PAX5: variants seen among roughly 807,000 people sequenced by gnomAD.
PAX5 encodes the protein paired box 5.
A neutral mutation model predicts 43.7 loss-of-function variants in PAX5; 9 were observed. The observed-to-expected ratio is 0.21, with a 90% confidence interval of 0.12 to 0.36. The LOEUF is 0.36. PAX5 is among the 10% of genes least tolerant of loss of function. The pLI, the probability that PAX5 is intolerant of heterozygous loss-of-function variation, is 1.00. For missense variants in PAX5, 383 were observed against 532.7 expected, an observed-to-expected ratio of 0.72 and a Z score of 2.77; for synonymous variants, 228 against 214.3, an observed-to-expected ratio of 1.06 and a Z score of -0.56.
intron 7 of PAX5, among the ~76,000 whole-genome samples, chr9:36,914,915 A>T (rs1236775844): frequency 1.3e-5 from 2 of 152,256 alleles, no homozygotes; most frequent in Non-Finnish European, 2.9e-5. Flanking sequence ...ATATCAATGA[A>T]ATACTTAAAT....
At chr9:36,899,273 G>C (rs1828157403) in intron 7 of PAX5, among the ~76,000 whole-genome samples, 1 of 152,172 alleles carries the variant, frequency 6.6e-6, no homozygotes, top group Non-Finnish European at 1.5e-5. Flanking sequence ...AGTGCTCTCA[G>C]AGCCATGCTG....
intron 4 of PAX5, among the ~76,000 whole-genome samples, chr9:37,003,168 A>C (rs915615038): frequency 4.1e-4 from 61 of 150,564 alleles, no homozygotes; most frequent in Middle Eastern, 3.4e-3. Context: ...AAAAAAAAAA[A>C]AAAAAAAAAA....
chr9:36,834,950 G>C lies in PAX5; in HGVS notation c.*5610C>G. Reference sequence around the variant, plus strand: ...ACTGCCAAGTCACCCCCACCCTGCTGTTTCACCTGCTTCCCTCCCTGGGCC... The same window carrying C: ...ACTGCCAAGTCACCCCCACCCTGCTCTTTCACCTGCTTCCCTCCCTGGGCC... On this transcript the variant is annotated 3_prime_UTR_variant, in exon 10 of 10. Coordinates refer to ENST00000358127, the MANE Select transcript of PAX5 (RefSeq NM_016734.3). 1 of 232,616 alleles carries C rather than the reference G, an allele frequency of 4.3e-6. No individual in the cohort carries two copies. Among genetic ancestry groups the C allele is most frequent in the Middle Eastern group, 1.3e-3 (1 of 782 alleles). The allele number at this position is 232,616 out of a possible 1,614,324, so 14.4% of individuals were successfully genotyped here. A position where few individuals can be genotyped will look rare whatever the true frequency, so the allele number is the denominator to read the frequency against.
rs1023875808 is a variant in PAX5 at position 36,882,186 on chromosome 9, G to C, written c.911-81C>G. The C allele has an allele frequency of 4.6e-5, 54 of 1,186,396 alleles. No individual in the cohort carries two copies. The highest frequency in any genetic ancestry group is 6.1e-5 in the Non-Finnish European group (52 of 847,150). The allele number at this position is 1,186,396 out of a possible 1,614,324, so 73.5% of individuals were successfully genotyped here. The stretch of plus-strand genomic sequence containing the variant: ...TGTCCACAGCTCCCTGGACGCTTCT[G>C]CACATTTGTCACGTTTGGACGCTGA... On this transcript the variant is annotated intron_variant, in intron 7 of 9. Coordinates refer to ENST00000358127, the MANE Select transcript of PAX5 (RefSeq NM_016734.3). The surrounding 1 kb of genome is among the most constrained non-coding windows in gnomAD (Gnocchi z 4.4).
chr9:37,003,174 A>C (rs972438746), intron 4 of PAX5, among the ~76,000 whole-genome samples: 2 of 151,128 alleles, frequency 1.3e-5, no homozygotes, highest in East Asian at 1.9e-4. Flanking sequence ...AAAAAAAAAA[A>C]AAAAAAACCT....
At chr9:36,887,250 G>GA (rs771354163) in intron 7 of PAX5, among the ~76,000 whole-genome samples, 150 of 152,192 alleles carry the variant, frequency 9.9e-4, no homozygotes, top group Admixed American at 1.5e-3. Flanking sequence ...AGCACCTGAA[G>GA]AAAAAACCAA....
intron 8 of PAX5, among the ~76,000 whole-genome samples, chr9:36,864,774 T>C (rs1420798499): frequency 1.3e-5 from 2 of 152,200 alleles, no homozygotes; most frequent in African/African-American, 4.8e-5. Flanking sequence ...CGCCAAGCTG[T>C]CAGTCTAGAG....
At chr9:36,897,336 A>C (rs897734265) in intron 7 of PAX5, among the ~76,000 whole-genome samples, 1 of 152,104 alleles carries the variant, frequency 6.6e-6, no homozygotes, top group African/African-American at 2.4e-5. Context: ...CTAAAGTTCA[A>C]CCAGTTTGGG....
At chr9:36,974,447 A>G (rs1213380796) in intron 5 of PAX5, among the ~76,000 whole-genome samples, 2 of 152,162 alleles carry the variant, frequency 1.3e-5, no homozygotes, top group Admixed American at 1.3e-4. Flanking sequence ...ATCTCTATGA[A>G]GTATGTATTC....
chr9:36,899,680 C>T (rs1019013138), intron 7 of PAX5, among the ~76,000 whole-genome samples: 1 of 152,124 alleles, frequency 6.6e-6, no homozygotes, highest in Non-Finnish European at 1.5e-5. Flanking sequence ...GGGTTGGGGC[C>T]GGGCCACCAG....
intron 8 of PAX5, among the ~76,000 whole-genome samples, chr9:36,872,533 G>T (rs73648162): frequency 0.043 from 6,609 of 152,210 alleles, 261 homozygotes; most frequent in African/African-American, 0.1. Context: ...TGAGTATCTG[G>T]CAGCTAGAAT....
chr9:36,931,550 CA>C lies in PAX5; in HGVS notation c.781-8067del, dbSNP rs377645934. On this transcript the variant is annotated intron_variant, in intron 6 of 9. Coordinates refer to ENST00000358127, the MANE Select transcript of PAX5 (RefSeq NM_016734.3). ...TGTAAAATAAATAATCATTAAATAA[CA>C]AAAAACAAAAAACATGGCCAGGCGC... Among the ~76,000 whole-genome samples, 949 of 151,972 alleles carry C rather than the reference CA, an allele frequency of 6.2e-3. 10 individuals are homozygous for C. Among genetic ancestry groups the C allele is most frequent in the African/African-American group, 0.022 (906 of 41,488 alleles).
chr9:36,857,048 A>T (rs1467168462), intron 8 of PAX5, among the ~76,000 whole-genome samples: 2 of 152,116 alleles, frequency 1.3e-5, no homozygotes, highest in Non-Finnish European at 2.9e-5. Context: ...GGAAAATCCA[A>T]CTCATGTATT....
chr9:36,873,612 A>G (rs1825676100), intron 8 of PAX5, among the ~76,000 whole-genome samples: 1 of 152,210 alleles, frequency 6.6e-6, no homozygotes, highest in African/African-American at 2.4e-5. Flanking sequence ...GGTCAAGGGA[A>G]GTTAGTGTTA....
chr9:37,029,463 G>C (rs544792625), intron 1 of PAX5, among the ~76,000 whole-genome samples: 50 of 152,364 alleles, frequency 3.3e-4, no homozygotes, highest in African/African-American at 1.2e-3. Context: ...AGTGCGCGCC[G>C]GGGTGGAGTG....
At chr9:36,980,655 G>C (rs1414157171) in intron 5 of PAX5, among the ~76,000 whole-genome samples, 1 of 152,126 alleles carries the variant, frequency 6.6e-6, no homozygotes, top group Non-Finnish European at 1.5e-5. Context: ...ACAGTGTAGA[G>C]ACCCTGTTGG....
At chr9:37,023,392 C>G (rs1840025366) in intron 1 of PAX5, among the ~76,000 whole-genome samples, 1 of 152,138 alleles carries the variant, frequency 6.6e-6, no homozygotes, top group Admixed American at 6.5e-5. Flanking sequence ...GCCTGTACTT[C>G]CTATGGACTC....
chr9:36,896,022 G>A (rs1231235473), intron 7 of PAX5, among the ~76,000 whole-genome samples: 1 of 152,126 alleles, frequency 6.6e-6, no homozygotes, highest in East Asian at 1.9e-4. Context: ...CCTCTCCTCT[G>A]TAAATGTCCT....
At chr9:36,915,950 G>A (rs1348455718) in intron 7 of PAX5, among the ~76,000 whole-genome samples, 1 of 151,668 alleles carries the variant, frequency 6.6e-6, no homozygotes, top group African/African-American at 2.4e-5. Context: ...GCATGCCTGT[G>A]GTCCCAGCTG....
Sources: gnomAD v4.1 joint callset for allele counts (sites outside exome capture counted in the v4.1 genomes callset) on GRCh38, gnomAD v4.1.1 for gene constraint, Gnocchi (gnomAD v3.1) non-coding constraint, MANE v1.5 for transcripts, NCBI Gene and HGNC (gene_info 2026-07-23, HGNC 2026-07-21) for gene names.